ART4: variants seen among roughly 807,000 people sequenced by gnomAD.
ART4 encodes the protein ecto-ADP-ribosyltransferase 4.
A neutral mutation model predicts 24.2 loss-of-function variants in ART4; 14 were observed. That is an observed-to-expected ratio of 0.58 (90% confidence interval 0.38 to 0.90). The LOEUF (loss-of-function observed/expected upper bound fraction) is 0.90, where lower values mean the gene tolerates loss of function less well. ART4 is among the 40% of genes least tolerant of loss of function. ART4 has a pLI of 0.00. For synonymous variants in ART4, 145 were observed against 139.9 expected, an observed-to-expected ratio of 1.04 and a Z score of -0.26; for missense variants, 356 against 366.6, an observed-to-expected ratio of 0.97 and a Z score of 0.24.
chr12:14,830,655 A>G (rs1441435470), intron 2 of ART4, among the ~76,000 whole-genome samples: 953 of 29,412 alleles, frequency 0.032, 35 homozygotes, highest in Middle Eastern at 0.043. Context: ...GTATGTATAT[A>G]TATATATATA....
chr12:14,836,667 A>G (rs1228568292), intron 2 of ART4, among the ~76,000 whole-genome samples: 1 of 152,220 alleles, frequency 6.6e-6, no homozygotes, highest in African/African-American at 2.4e-5. Flanking sequence ...GGTCAGGTAG[A>G]ACCAGAGGAT....
In ART4 at chr12:14,830,529, A is replaced by G. The variant is rs538931229; in HGVS notation, c.854-1067T>C. Reference sequence around the variant, plus strand: ...CATTTTTTAGTTTTTTGGAATTTCTATATAGGAGTGTGTGTGTGTGTGTGT... The same window carrying G: ...CATTTTTTAGTTTTTTGGAATTTCTGTATAGGAGTGTGTGTGTGTGTGTGT... On this transcript the variant is annotated intron_variant, in intron 2 of 2. Coordinates refer to ENST00000228936, the MANE Select transcript of ART4 (RefSeq NM_021071.4). Among the ~76,000 whole-genome samples the G allele has an allele frequency of 8.9e-3, 818 of 92,092 alleles. 12 individuals carry two copies. Among genetic ancestry groups the G allele is most frequent in the African/African-American group, 0.034 (801 of 23,632 alleles). 60.4% of individuals were successfully genotyped at this position (92,092 alleles called of 152,430 possible).
chr12:14,833,408 A>G lies in ART4; in HGVS notation c.854-3946T>C, dbSNP rs1304109518. Among the ~76,000 whole-genome samples, 4 of 152,310 alleles carry G rather than the reference A, an allele frequency of 2.6e-5. No individual in the cohort carries two copies. The East Asian group carries it at 7.7e-4, about 29-fold the overall frequency. ...TGGAGAATATTGTCCTGGAATTCTT[A>G]TTAGAAAACATGGGGAAGGATCCTA... On this transcript the variant is annotated intron_variant, in intron 2 of 2. Coordinates refer to ENST00000228936, the MANE Select transcript of ART4 (RefSeq NM_021071.4).
At position 14,840,436 on chromosome 12, in the gene ART4, A is replaced by G. The variant is rs1198110788; in HGVS notation, c.853+9T>C. On this transcript the variant is annotated intron_variant, in intron 2 of 2. Transcript: ENST00000228936. ...GATCCTGAGTGGCCTCAATTTAGAT[A>G]AAGAATACCTTTTAGCAGCTGACAG... The G allele has an allele frequency of 6.3e-7, 1 of 1,585,476 alleles. No homozygotes were observed. Among genetic ancestry groups the G allele is most frequent in the South Asian group, 1.2e-5 (1 of 85,932 alleles).
intron 2 of ART4, among the ~76,000 whole-genome samples, chr12:14,838,767 A>T (rs938360237): frequency 1.3e-5 from 2 of 152,210 alleles, no homozygotes; most frequent in African/African-American, 4.8e-5. Context: ...ATGTTGAGAA[A>T]TGCTGAGAGC....
At position 14,829,357 on chromosome 12, in the gene ART4, G is replaced by T; in HGVS notation, c.*14C>A. The stretch of plus-strand genomic sequence containing the variant: ...TAAATATTTTTTTTAAATAAAAGGA[G>T]CCACAAGATTTCTTTATACTCTGCT... On this transcript the variant is annotated 3_prime_UTR_variant, in exon 3 of 3. Transcript: ENST00000228936. 1 of 1,497,618 alleles carries T rather than the reference G, an allele frequency of 6.7e-7. No individual in the cohort carries two copies. The highest frequency in any genetic ancestry group is 9.0e-7 in the Non-Finnish European group (1 of 1,116,858). The allele number at this position is 1,497,618 out of a possible 1,614,324, so 92.8% of individuals were successfully genotyped here.
At chr12:14,834,068 T>C (rs146006158) in intron 2 of ART4, among the ~76,000 whole-genome samples, 5 of 152,192 alleles carry the variant, frequency 3.3e-5, no homozygotes, top group Non-Finnish European at 7.4e-5. Flanking sequence ...TATCACAACA[T>C]TCCCACAAGA....
At chr12:14,833,098 A>G (rs989060283) in intron 2 of ART4, among the ~76,000 whole-genome samples, 6 of 152,128 alleles carry the variant, frequency 3.9e-5, no homozygotes, top group African/African-American at 1.4e-4. Flanking sequence ...CAGGATTTTT[A>G]AAATTGGAGA....
Position 14,841,096 on chromosome 12 carries a change from C to G in ART4, c.202G>C (p.Gly68Arg). 6.2e-7 allele frequency: 1 copy of G among 1,611,000 alleles called. No homozygotes were observed. Among genetic ancestry groups the G allele is most frequent in the Non-Finnish European group, 8.5e-7 (1 of 1,179,202 alleles). Residue 68 changes from glycine to arginine, a missense_variant, in exon 2 of 3, where the codon GGC becomes CGC. Physicochemically the swap from Gly to Arg is moderately radical, Grantham distance 125. Transcript: ENST00000228936. ...APGSFDDQYQ[G>R]CSKQVMEKLT... ...TTCTCCATAACCTGTTTGCTACAGC[C>G]TTGGTACTGATCATCAAAAGAACCT...
At chr12:14,831,825 C>A (rs969223359) in intron 2 of ART4, among the ~76,000 whole-genome samples, 1 of 151,990 alleles carries the variant, frequency 6.6e-6, no homozygotes, top group East Asian at 1.9e-4. Flanking sequence ...TGTCAAATAC[C>A]AAACTCCTGC....
rs61922960 is a variant in ART4 at position 14,827,071 on chromosome 12, G to A, written c.*2300C>T. ...TTGATTTTTGCCTTTTTTTTTTTTG[G>A]CATTTCACTTGTGGCTTGCTTTATG... On this transcript the variant is annotated 3_prime_UTR_variant, in exon 3 of 3. Transcript: ENST00000228936. The A allele has an allele frequency of 0.081, 11,151 of 138,390 alleles. 525 individuals carry two copies. The highest frequency in any genetic ancestry group is 0.12 in the Non-Finnish European group (7,183 of 61,020). 8.6% of individuals were successfully genotyped at this position (138,390 alleles called of 1,614,324 possible).
chr12:14,838,967 G>A (rs1186818557), intron 2 of ART4, among the ~76,000 whole-genome samples: 1 of 151,346 alleles, frequency 6.6e-6, no homozygotes, highest in Non-Finnish European at 1.5e-5. Flanking sequence ...CCATGAAATG[G>A]CTAGGTGGCA....
In ART4 at chr12:14,834,068, T is replaced by A. The variant is rs146006158; in HGVS notation, c.854-4606A>T. On this transcript the variant is annotated intron_variant, in intron 2 of 2. Coordinates refer to ENST00000228936, the MANE Select transcript of ART4 (RefSeq NM_021071.4). ...CAGAGACACCAATGCTATCACAACA[T>A]TCCCACAAGATGAGTATCACTTCCA... 1.5e-3 allele frequency among the ~76,000 whole-genome samples: 234 copies of A among 152,310 alleles called. 2 individuals carry two copies. Among genetic ancestry groups the A allele is most frequent in the African/African-American group, 5.3e-3 (220 of 41,578 alleles).
chr12:14,830,659 A>G lies in ART4; in HGVS notation c.854-1197T>C, dbSNP rs1459191207. The stretch of plus-strand genomic sequence containing the variant: ...GTGTACTGTATGTATGTATATATAT[A>G]TATATATATATATATATATATATAT... On this transcript the variant is annotated intron_variant, in intron 2 of 2. Coordinates refer to ENST00000228936, the MANE Select transcript of ART4 (RefSeq NM_021071.4). 5.9e-3 allele frequency among the ~76,000 whole-genome samples: 404 copies of G among 68,172 alleles called. 6 individuals are homozygous for G. The highest frequency in any genetic ancestry group is 0.011 in the African/African-American group (148 of 13,674). 44.7% of individuals were successfully genotyped at this position (68,172 alleles called of 152,430 possible).
chr12:14,831,710 C>T lies in ART4; in HGVS notation c.854-2248G>A, dbSNP rs555431582. 5.3e-5 allele frequency among the ~76,000 whole-genome samples: 8 copies of T among 152,156 alleles called. No homozygotes were observed. The South Asian group carries it at 1.2e-3, about 24-fold the overall frequency. ...AATACCACCCATAACCCACTGACCTCAAATTTATCTTTCCATCCTGGGTCA... is the reference window on the plus strand; with the variant it reads ...AATACCACCCATAACCCACTGACCTTAAATTTATCTTTCCATCCTGGGTCA... On this transcript the variant is annotated intron_variant, in intron 2 of 2. Coordinates refer to ENST00000228936, the MANE Select transcript of ART4 (RefSeq NM_021071.4).
chr12:14,836,741 A>G (rs1025936708), intron 2 of ART4, among the ~76,000 whole-genome samples: 1 of 152,182 alleles, frequency 6.6e-6, no homozygotes, highest in African/African-American at 2.4e-5. Flanking sequence ...GCATCCCTGC[A>G]ATGTGAGCTT....
chr12:14,842,192 T>C (rs993686062), intron 1 of ART4, among the ~76,000 whole-genome samples: 1 of 152,238 alleles, frequency 6.6e-6, no homozygotes, highest in Non-Finnish European at 1.5e-5. Flanking sequence ...ATATAAATTC[T>C]AAAACATTCC....
At position 14,840,946 on chromosome 12, in the gene ART4, T is replaced by G. The variant is rs142165195; in HGVS notation, c.352A>C (p.Thr118Pro). ...GKVLPQNMTT[T>P]HAVAILFYTL... ...TAAAACAAAATAGCCACAGCGTGTG[T>G]GGTAGTCATGTTCTGGGGTAGAACT... The change falls in exon 2 of 3, where the codon ACA (threonine) becomes CCA (proline). Residue 118 changes from threonine (T) to proline (P), a missense_variant. Physicochemically the swap from Thr to Pro is conservative, Grantham distance 38. Coordinates refer to ENST00000228936, the MANE Select transcript of ART4 (RefSeq NM_021071.4). 2 of 1,614,194 alleles carry G rather than the reference T, an allele frequency of 1.2e-6. No individual in the cohort carries two copies. The highest frequency in any genetic ancestry group is 4.5e-5 in the East Asian group (2 of 44,890).
chr12:14,837,236 A>G (rs767668287), intron 2 of ART4, among the ~76,000 whole-genome samples: 1 of 152,242 alleles, frequency 6.6e-6, no homozygotes, highest in African/African-American at 2.4e-5. Flanking sequence ...GCAAGTGACC[A>G]TGTTGATCAT....
Sources: allele counts gnomAD v4.1 joint callset (sites outside exome capture counted in the v4.1 genomes callset), GRCh38; gene constraint gnomAD v4.1.1; transcripts MANE v1.5; gene names NCBI Gene and HGNC (gene_info 2026-07-23, HGNC 2026-07-21).